The following C1orf94 variants were observed in gnomAD, a reference collection of about 807,000 sequenced individuals.
C1orf94 encodes chromosome 1 open reading frame 94, also known as uncharacterized protein C1orf94.
Under a neutral mutation model 53.6 loss-of-function variants are expected in C1orf94, and 45 were observed. That is an observed-to-expected ratio of 0.84 (90% CI 0.66 to 1.08). C1orf94 has a LOEUF of 1.08. C1orf94 is among the 50% of genes least tolerant of loss of function. C1orf94 has a pLI of 0.00. For synonymous variants in C1orf94, 304 were observed against 296.1 expected (o/e 1.03, Z -0.27); for missense variants, 762 against 738.9 (o/e 1.03, Z -0.36).
rs1642618091 is a variant in C1orf94 at position 34,197,750 on chromosome 1, G to A, written c.846G>A (p.Glu282=). 6.2e-7 allele frequency: 1 copy of A among 1,614,188 alleles called. No homozygotes were observed. Among genetic ancestry groups the A allele is most frequent in the Non-Finnish European group, 8.5e-7 (1 of 1,180,034 alleles). ...TGTTCAGTGGCCCTGGACCCAAGGA[G>A]CCCACAGGGCTGAGCCCATTTCTGC... ...DNLFSGPGPK[E]PTGLSPFLLL... The change falls in exon 2 of 7, where the codon GAG becomes GAA. Residue 282 remains glutamate (E), a synonymous_variant. Coordinates refer to ENST00000488417, the MANE Select transcript of C1orf94 (RefSeq NM_001134734.2). This position sits in a 1 kb window ranked among gnomAD's most constrained non-coding sequence, Gnocchi z 4.1.
chr1:34,205,358 C>G (rs1442557481), intron 4 of C1orf94, among the ~76,000 whole-genome samples: 1 of 152,200 alleles, frequency 6.6e-6, no homozygotes. Context: ...CTTCTGTGAT[C>G]TCACAATGCT....
At position 34,200,835 on chromosome 1, in the gene C1orf94, C is replaced by G; in HGVS notation, c.1073C>G (p.Pro358Arg). 1 of 1,614,128 alleles carries G rather than the reference C, an allele frequency of 6.2e-7. No homozygotes were observed. Among genetic ancestry groups the G allele is most frequent in the East Asian group, 2.2e-5 (1 of 44,878 alleles). ...GGGAGCCTCTTTCTCAGCCAGTGGCCCCAGAGCCAGAAGGACGCCTGTGGT... is the reference window on the plus strand; with the variant it reads ...GGGAGCCTCTTTCTCAGCCAGTGGCGCCAGAGCCAGAAGGACGCCTGTGGT... Reference protein sequence around the residue: ...GQGSLFLSQWPQSQKDACGEE... With the variant: ...GQGSLFLSQWRQSQKDACGEE... The change falls in exon 3 of 7, where the codon CCC becomes CGC. Residue 358 changes from proline (P) to arginine (R), a missense_variant. Physicochemically the swap from Pro to Arg is moderately radical, Grantham distance 103. Transcript: ENST00000488417.
At chr1:34,168,195 T>C (rs1317806794) in intron 1 of C1orf94, among the ~76,000 whole-genome samples, 1 of 152,062 alleles carries the variant, frequency 6.6e-6, no homozygotes, top group East Asian at 1.9e-4. Flanking sequence ...AGAGGATCAT[T>C]TGAGCCCAGC....
chr1:34,211,003 T>C (rs1392992436), intron 5 of C1orf94, among the ~76,000 whole-genome samples: 3 of 152,034 alleles, frequency 2.0e-5, no homozygotes, highest in Non-Finnish European at 4.4e-5. Context: ...GAGAGAGGGC[T>C]GTCAGAGTGC....
intron 1 of C1orf94, among the ~76,000 whole-genome samples, chr1:34,191,512 T>A (rs995730160): frequency 6.6e-6 from 1 of 151,946 alleles, no homozygotes; most frequent in South Asian, 2.1e-4. Context: ...TCTACCCACA[T>A]AGACACATAA....
upstream of C1orf94, among the ~76,000 whole-genome samples, chr1:34,176,383 C>T (rs1642226786): frequency 6.6e-6 from 1 of 152,068 alleles, no homozygotes; most frequent in Non-Finnish European, 1.5e-5. Context: ...TGTGTCAGTG[C>T]CCAATTGAAT....
rs1297964177 is a variant in C1orf94 at position 34,208,165 on chromosome 1, C to T, written c.1455C>T (p.Tyr485=). ...HSTFLQYQGL[Y]PQQAARMPYQ... Reference sequence around the variant, plus strand: ...CCTCTGTTTCTCCCCAGGGCCTGTACCCACAGCAGGCAGCGAGGATGCCCT... The same window carrying T: ...CCTCTGTTTCTCCCCAGGGCCTGTATCCACAGCAGGCAGCGAGGATGCCCT... The change falls in exon 5 of 7, where the codon TAC becomes TAT. Residue 485 remains tyrosine (Y), a synonymous_variant. Transcript: ENST00000488417. The T allele has an allele frequency of 1.2e-6, 2 of 1,614,076 alleles. No individual in the cohort carries two copies. The highest frequency in any genetic ancestry group is 1.1e-5 in the South Asian group (1 of 91,044).
intron 1 of C1orf94, among the ~76,000 whole-genome samples, chr1:34,190,932 G>A (rs1175598178): frequency 6.6e-6 from 1 of 152,114 alleles, no homozygotes; most frequent in Non-Finnish European, 1.5e-5. Context: ...GGTTCAGCTG[G>A]GAGGTTCTTC....
intron 5 of C1orf94, among the ~76,000 whole-genome samples, chr1:34,211,048 T>C (rs1642881160): frequency 6.6e-6 from 1 of 151,970 alleles, no homozygotes; most frequent in Non-Finnish European, 1.5e-5. Context: ...AGACTTGCTA[T>C]TAAAGTGGAA....
At chr1:34,211,455 C>T (rs1030528886) in intron 5 of C1orf94, among the ~76,000 whole-genome samples, 1 of 152,126 alleles carries the variant, frequency 6.6e-6, no homozygotes, top group Non-Finnish European at 1.5e-5. Flanking sequence ...CGGGCAATCT[C>T]GGAAGCACCA....
In C1orf94 at chr1:34,206,761, C is replaced by T. The variant is rs377233183; in HGVS notation, c.1447-1396C>T. Among the ~76,000 whole-genome samples the T allele has an allele frequency of 9.7e-4, 147 of 152,272 alleles. 4 individuals carry two copies. The South Asian group carries it at 0.03, about 31-fold the overall frequency. On this transcript the variant is annotated intron_variant, in intron 4 of 6. Coordinates refer to ENST00000488417, the MANE Select transcript of C1orf94 (RefSeq NM_001134734.2). ...CAGGTTCAGGCAGAGGCTGGGGTTG[C>T]AGGGACCGGGCAGTGGTCATAACAG... is the stretch of plus-strand genomic sequence containing the variant.
rs79761118 is a variant in C1orf94, at chr1:34,209,553, A to G, written c.1524+1319A>G. Among the ~76,000 whole-genome samples, 78 of 152,158 alleles carry G rather than the reference A, an allele frequency of 5.1e-4. No homozygotes were observed. The East Asian group carries it at 0.012, about 24-fold the overall frequency. On this transcript the variant is annotated intron_variant, in intron 5 of 6. Transcript: ENST00000488417. ...TCCACACAAATGTGGACACCCCCAC[A>G]CTCCAACTCATACAACCTCTGCCTC...
intron 5 of C1orf94, among the ~76,000 whole-genome samples, chr1:34,211,548 A>G (rs1311548644): frequency 3.3e-5 from 5 of 152,116 alleles, no homozygotes; most frequent in Non-Finnish European, 7.3e-5. Context: ...ACTGTCTACT[A>G]TGGCAGCCAC....
Position 34,197,518 on chromosome 1 carries a change from C to A in C1orf94, c.614C>A (p.Ser205Tyr). ...SSRQDCDSAT[S>Y]TVTDILCAAE... is the part of the protein sequence containing the mutation. ...AGGCAGGACTGTGATTCTGCCACTT[C>A]TACTGTCACAGACATTCTGTGTGCC... Residue 205 changes from serine to tyrosine, a missense_variant, in exon 2 of 7, where the codon TCT becomes TAT. Transcript: ENST00000488417. This position sits in a 1 kb window ranked among gnomAD's most constrained non-coding sequence, Gnocchi z 4.1. 6.2e-7 allele frequency: 1 copy of A among 1,614,166 alleles called. No individual in the cohort carries two copies. Among genetic ancestry groups the A allele is most frequent in the Non-Finnish European group, 8.5e-7 (1 of 1,180,032 alleles).
chr1:34,197,544 G>C lies in C1orf94; in HGVS notation c.640G>C (p.Ala214Pro), dbSNP rs202207825. The change falls in exon 2 of 7, where the codon GCC becomes CCC. Residue 214 changes from alanine (A) to proline (P), a missense_variant. Coordinates refer to ENST00000488417, the MANE Select transcript of C1orf94 (RefSeq NM_001134734.2). The surrounding 1 kb of genome is among the most constrained non-coding windows in gnomAD (Gnocchi z 4.1). ...TSTVTDILCA[A>P]EVKSSKGTED... ...TACTGTCACAGACATTCTGTGTGCCGCCGAGGTCAAGAGCAGCAAGGGGAC... is the reference window on the plus strand; with the variant it reads ...TACTGTCACAGACATTCTGTGTGCCCCCGAGGTCAAGAGCAGCAAGGGGAC... 1.9e-6 allele frequency: 3 copies of C among 1,614,068 alleles called. No homozygotes were observed. Among genetic ancestry groups the C allele is most frequent in the East Asian group, 2.2e-5 (1 of 44,868 alleles).
rs1231378178 is a variant in C1orf94, at chr1:34,212,365, G to A, written c.1680G>A (p.Met560Ile). The change falls in exon 6 of 7, where the codon ATG becomes ATA. Residue 560 changes from methionine (M) to isoleucine (I), a missense_variant. Met to Ile is a conservative substitution (Grantham distance 10, BLOSUM62 1). Coordinates refer to ENST00000488417, the MANE Select transcript of C1orf94 (RefSeq NM_001134734.2). ...MSANPRDPPL[M>I]AGDGPQYLFP... ...CCAACCCCCGAGACCCTCCCCTAAT[G>A]GCAGGAGATGGACCGCAGTACCTCT... The A allele has an allele frequency of 6.2e-7, 1 of 1,612,758 alleles. No homozygotes were observed. The highest frequency in any genetic ancestry group is 2.2e-5 in the East Asian group (1 of 44,756).
At chr1:34,204,864 TAA>T (rs35194964) in intron 4 of C1orf94, among the ~76,000 whole-genome samples, 3 of 145,382 alleles carry the variant, frequency 2.1e-5, no homozygotes, top group African/African-American at 7.4e-5. Context: ...ACCCTGTCTC[TAA>T]AAAAAAAAAA....
intron 6 of C1orf94, among the ~76,000 whole-genome samples, chr1:34,215,764 C>G (rs10914883): frequency 0.76 from 116,352 of 152,186 alleles, 44,547 homozygotes; most frequent in South Asian, 0.87. Flanking sequence ...CCAGCACTTT[C>G]GGAGACCGAG....
chr1:34,176,424 T>C (rs1011930288), upstream of C1orf94, among the ~76,000 whole-genome samples: 1 of 152,150 alleles, frequency 6.6e-6, no homozygotes, highest in East Asian at 1.9e-4. Context: ...AGGGGCCTGT[T>C]GATCAGCAAA....
Sources: allele counts gnomAD v4.1 joint callset (sites outside exome capture counted in the v4.1 genomes callset), GRCh38; gene constraint gnomAD v4.1.1; non-coding constraint Gnocchi (gnomAD v3.1); transcripts MANE v1.5; gene names NCBI Gene and HGNC (gene_info 2026-07-23, HGNC 2026-07-21).